The following NFU1 variants were observed in gnomAD, a reference collection of about 807,000 sequenced individuals.
NFU1 encodes NFU1 iron-sulfur cluster scaffold, also known as NFU1 iron-sulfur cluster scaffold homolog, mitochondrial.
In NFU1, 30 loss-of-function variants were observed where a neutral mutation model predicts 32.2. The observed-to-expected ratio is 0.93, with a 90% CI of 0.70 to 1.26. The LOEUF (loss-of-function observed/expected upper bound fraction) is 1.26, where lower values mean the gene tolerates loss of function less well. NFU1 is among the 50% of genes most tolerant of loss of function. The pLI, the probability that NFU1 is intolerant of heterozygous loss-of-function variation, is 0.00. For synonymous variants in NFU1, 112 were observed against 104.6 expected (o/e 1.07, Z -0.43); for missense variants, 306 against 306.6 (o/e 1.00, Z 0.02).
At chr2:69,438,935 C>G (rs1031366751), upstream of NFU1, among the ~76,000 whole-genome samples, 2 of 139,028 alleles carry the variant, frequency 1.4e-5, no homozygotes, top group African/African-American at 5.3e-5. Flanking sequence ...TTCTAGACCG[C>G]AAGGCAGTCC....
At chr2:69,413,514 C>T (rs1173663521) in intron 5 of NFU1, among the ~76,000 whole-genome samples, 3 of 152,190 alleles carry the variant, frequency 2.0e-5, no homozygotes, top group Admixed American at 2.0e-4. Context: ...GTAATCCCAA[C>T]TTTGGAAGGC....
At chr2:69,400,656 C>T (rs191140275) in intron 6 of NFU1, 118 bp from the exon 7 acceptor site, 2 of 846,666 alleles carry the variant, frequency 2.4e-6, no homozygotes, top group African/African-American at 3.5e-5. Context: ...GTTAGAGCTA[C>T]TTTTATAATA....
At chr2:69,424,280 TTTTTTG>T (rs905728951) in intron 2 of NFU1, among the ~76,000 whole-genome samples, 32 of 149,248 alleles carry the variant, frequency 2.1e-4, no homozygotes, top group East Asian at 3.9e-4. Context: ...GGTTTTTGGG[TTTTTTG>T]TTTTTGTTTT....
chr2:69,398,616 A>G (rs1672413062), intron 7 of NFU1, among the ~76,000 whole-genome samples: 1 of 152,218 alleles, frequency 6.6e-6, no homozygotes, highest in Non-Finnish European at 1.5e-5. Flanking sequence ...GCTGACTTCA[A>G]TTGTCCTACA....
chr2:69,435,049 A>G (rs1259925712), intron 1 of NFU1, among the ~76,000 whole-genome samples: 1 of 151,760 alleles, frequency 6.6e-6, no homozygotes, highest in Non-Finnish European at 1.5e-5. Flanking sequence ...TAATTGGGGA[A>G]GTTGCAACTC....
rs188836649 is a variant in NFU1, at chr2:69,426,344, G to A, written c.167-2627C>T. Among the ~76,000 whole-genome samples, 531 of 152,280 alleles carry A rather than the reference G, an allele frequency of 3.5e-3. 3 individuals are homozygous for A. Among genetic ancestry groups the A allele is most frequent in the African/African-American group, 0.012 (513 of 41,562 alleles). ...TCTGTCGCCCAAGCTGGAGTGCAGT[G>A]GCATGATCTCGGCTCACTGCAAACT... On this transcript the variant is annotated intron_variant, in intron 2 of 7. Transcript: ENST00000410022.
At position 69,419,544 on chromosome 2, in the gene NFU1, G is replaced by A; in HGVS notation, c.363C>T (p.Val121=). The A allele has an allele frequency of 1.3e-6, 2 of 1,565,686 alleles. No individual in the cohort carries two copies. Among genetic ancestry groups the A allele is most frequent in the Non-Finnish European group, 1.8e-6 (2 of 1,137,580 alleles). Residue 121 remains valine (V), a synonymous_variant, in exon 4 of 8, where the codon GTC becomes GTT. Transcript: ENST00000410022. The stretch of plus-strand genomic sequence containing the variant: ...TATATAATCCTATGTTTACCTTTGT[G>A]ACAGTGATGAAATCTGGTCCAAAGA... ...SVFFGPDFIT[V]TKENEELDWN... is the part of the protein sequence containing the mutation.
At chr2:69,418,386 G>A (rs1402690612) in intron 4 of NFU1, among the ~76,000 whole-genome samples, 1 of 152,256 alleles carries the variant, frequency 6.6e-6, no homozygotes, top group East Asian at 1.9e-4. Context: ...GGTGTGGAGT[G>A]AGACTTTGTC....
At chr2:69,400,624 TTA>T in intron 6 of NFU1, 86 bp from the exon 7 acceptor site, 1 of 1,142,472 alleles carries the variant, frequency 8.8e-7, no homozygotes, top group Non-Finnish European at 1.3e-6. Context: ...AGCTTAAATT[TTA>T]TATTAGTAAA....
rs1220303640 is a variant in NFU1 at position 69,423,573 on chromosome 2, G to C, written c.302+9C>G. On this transcript the variant is annotated intron_variant, in intron 3 of 7. Transcript: ENST00000410022. ...TTCTTGGTAAAAGCAAATGAAAACA[G>C]TAATATACCTAGCCAGAGGGGAGCG... The C allele has an allele frequency of 6.2e-7, 1 of 1,612,366 alleles. No homozygotes were observed. The highest frequency in any genetic ancestry group is 8.5e-7 in the Non-Finnish European group (1 of 1,179,528).
intron 2 of NFU1, among the ~76,000 whole-genome samples, chr2:69,424,186 AAAAAAAAAAAAAATAT>A (rs1484468851): frequency 3.6e-5 from 5 of 137,068 alleles, no homozygotes; most frequent in African/African-American, 5.6e-5. Context: ...AAAAAAAAAA[AAAAAAAAAAAAAATAT>A]ATATATATAT....
intron 2 of NFU1, chr2:69,430,038 C>CA (rs768175415): frequency 4.2e-3 from 1,292 of 305,130 alleles, no homozygotes; most frequent in South Asian, 8.0e-3. Flanking sequence ...CAAAAACAAA[C>CA]AAAAAAAAAC....
At chr2:69,405,319 T>C (rs999014338) in intron 6 of NFU1, among the ~76,000 whole-genome samples, 31 of 152,368 alleles carry the variant, frequency 2.0e-4, no homozygotes, top group African/African-American at 6.0e-4. Context: ...CAAGATTTCA[T>C]TGGTAACCCA....
At chr2:69,417,975 T>G (rs1273530152) in intron 4 of NFU1, among the ~76,000 whole-genome samples, 1 of 152,106 alleles carries the variant, frequency 6.6e-6, no homozygotes, top group Non-Finnish European at 1.5e-5. Context: ...ATATATAATT[T>G]CCCACTTATA....
chr2:69,424,031 G>T (rs1294753402), intron 2 of NFU1, among the ~76,000 whole-genome samples: 2 of 151,354 alleles, frequency 1.3e-5, no homozygotes, highest in Non-Finnish European at 2.9e-5. Flanking sequence ...AAATTAGCCA[G>T]GCGTGGTGGC....
At chr2:69,423,160 G>A (rs1312486792) in intron 3 of NFU1, among the ~76,000 whole-genome samples, 3 of 98,584 alleles carry the variant, frequency 3.0e-5, no homozygotes, top group Non-Finnish European at 4.3e-5. Flanking sequence ...GTGTGTGTGT[G>A]TGTGTGTATG....
chr2:69,399,521 G>A, intron 7 of NFU1: 3 of 278,530 alleles, frequency 1.1e-5, no homozygotes, highest in South Asian at 9.7e-5. Context: ...GATTAGGCCA[G>A]TTGTGTTAAT....
chr2:69,402,532 T>G (rs895805292), intron 6 of NFU1, among the ~76,000 whole-genome samples: 1 of 152,202 alleles, frequency 6.6e-6, no homozygotes, highest in African/African-American at 2.4e-5. Flanking sequence ...ACAATTTTAC[T>G]GTAGTCCAAT....
chr2:69,427,702 C>T (rs1323829679), intron 2 of NFU1, among the ~76,000 whole-genome samples: 2 of 143,478 alleles, frequency 1.4e-5, no homozygotes, highest in Non-Finnish European at 3.0e-5. Flanking sequence ...AAAAAAAAGG[C>T]CAGGTGTGGT....
Sources: gnomAD v4.1 joint callset for allele counts (sites outside exome capture counted in the v4.1 genomes callset) on GRCh38, gnomAD v4.1.1 for gene constraint, MANE v1.5 for transcripts, NCBI Gene and HGNC (gene_info 2026-07-23, HGNC 2026-07-21) for gene names.